Variants in PDCD10 observed in about 807,000 individuals in gnomAD.
PDCD10 encodes the protein programmed cell death protein 10.
In PDCD10, 4 loss-of-function variants were observed where a neutral mutation model predicts 29.2. That is an observed-to-expected ratio of 0.14 (90% confidence interval 0.07 to 0.31). PDCD10 has a LOEUF of 0.31. Among genes scored for constraint, PDCD10 ranks in the 10% least tolerant of loss-of-function variants. The pLI is 1.00. For missense variants in PDCD10, 183 were observed against 257.9 expected (o/e 0.71, Z 1.99); for synonymous variants, 70 against 82.2 (o/e 0.85, Z 0.80).
chr3:167,687,810 C>G (rs985376581), intron 6 of PDCD10, 117 bp from the exon 7 acceptor site: 3 of 682,868 alleles, frequency 4.4e-6, no homozygotes, highest in Non-Finnish European at 7.9e-6. Flanking sequence ...ACAGTACACT[C>G]TTAATTATGT....
intron 3 of PDCD10, among the ~76,000 whole-genome samples, chr3:167,711,666 A>T (rs974824494): frequency 1.3e-5 from 2 of 152,214 alleles, no homozygotes; most frequent in African/African-American, 4.8e-5. Context: ...AAGTACAAGA[A>T]GGTTATAGAA....
At chr3:167,691,573 G>T (rs531621432) in intron 6 of PDCD10, among the ~76,000 whole-genome samples, 2 of 152,332 alleles carry the variant, frequency 1.3e-5, no homozygotes, top group South Asian at 4.1e-4. Context: ...TAGCAGAGAT[G>T]TCTCAGGGAC....
At chr3:167,718,458 G>C (rs1723240081) in intron 3 of PDCD10, among the ~76,000 whole-genome samples, 1 of 152,024 alleles carries the variant, frequency 6.6e-6, no homozygotes, top group Non-Finnish European at 1.5e-5. Flanking sequence ...GACATAACCA[G>C]ACCTAAAAAG....
intron 2 of PDCD10, among the ~76,000 whole-genome samples, chr3:167,728,004 TCAAATA>T (rs1724392207): frequency 6.6e-6 from 1 of 152,218 alleles, no homozygotes; most frequent in Non-Finnish European, 1.5e-5. Context: ...CCAATTGATC[TCAAATA>T]CAAATACTAT....
chr3:167,704,291 G>A (rs115635767), intron 4 of PDCD10, among the ~76,000 whole-genome samples: 2,049 of 152,256 alleles, frequency 0.013, 43 homozygotes, highest in African/African-American at 0.047. Context: ...ACAGCGGCAT[G>A]ATCACGTCCC....
chr3:167,727,688 A>G (rs915713776), intron 2 of PDCD10, among the ~76,000 whole-genome samples: 1 of 152,252 alleles, frequency 6.6e-6, no homozygotes. Flanking sequence ...CTCTCTGCTT[A>G]AAGGTACAAT....
chr3:167,694,992 T>C (rs1004893441), intron 6 of PDCD10, among the ~76,000 whole-genome samples: 1 of 152,234 alleles, frequency 6.6e-6, no homozygotes, highest in African/African-American at 2.4e-5. Context: ...AAGATACTTA[T>C]GTAGGGATTA....
rs374384046 is a variant in PDCD10, at chr3:167,702,149, A to G, written c.150+2693T>C. ...CATTTTTAGAGAAATGACAAAGCAA[A>G]TAAGTCAGAAATTAAACATATTTCT... On this transcript the variant is annotated intron_variant, in intron 4 of 8. Transcript: ENST00000392750. 7.9e-5 allele frequency among the ~76,000 whole-genome samples: 12 copies of G among 152,304 alleles called. No individual in the cohort carries two copies. The East Asian group carries it at 1.2e-3, about 15-fold the overall frequency.
intron 6 of PDCD10, 131 bp downstream of exon 6, chr3:167,695,465 G>T (rs538547368): frequency 7.6e-6 from 6 of 790,674 alleles, no homozygotes; most frequent in Non-Finnish European, 1.1e-5. Flanking sequence ...ATAAAATGTG[G>T]TATTTAAAAA....
chr3:167,700,716 A>T (rs965831017), intron 4 of PDCD10, among the ~76,000 whole-genome samples: 2 of 152,232 alleles, frequency 1.3e-5, no homozygotes, highest in African/African-American at 2.4e-5. Flanking sequence ...AAAGCTGAAG[A>T]ATTTAATGCC....
intron 3 of PDCD10, 95 bp from the exon 4 acceptor site, chr3:167,704,990 A>C (rs1721834672): frequency 4.2e-6 from 3 of 716,344 alleles, no homozygotes; most frequent in South Asian, 1.6e-5. Context: ...TGAACACATT[A>C]AACATTTAAT....
chr3:167,691,635 A>G (rs1253345283), intron 6 of PDCD10, among the ~76,000 whole-genome samples: 2 of 152,224 alleles, frequency 1.3e-5, no homozygotes, highest in South Asian at 4.1e-4. Flanking sequence ...CTCTGGGCCT[A>G]CATTTCTATG....
At chr3:167,694,159 A>T (rs573891232) in intron 6 of PDCD10, among the ~76,000 whole-genome samples, 4 of 148,520 alleles carry the variant, frequency 2.7e-5, no homozygotes, top group South Asian at 2.1e-4. Flanking sequence ...TCACCTCTTT[A>T]AAAAAAAAAG....
chr3:167,702,871 G>A, intron 4 of PDCD10, among the ~76,000 whole-genome samples: 1 of 152,112 alleles, frequency 6.6e-6, no homozygotes, highest in East Asian at 1.9e-4. Context: ...ATACATCAGT[G>A]TAAAATTAGT....
At chr3:167,730,479 T>G (rs544338717) in intron 2 of PDCD10, among the ~76,000 whole-genome samples, 5 of 152,186 alleles carry the variant, frequency 3.3e-5, no homozygotes, top group Non-Finnish European at 7.4e-5. Context: ...ATGAAAATTT[T>G]ATCCAAGATT....
chr3:167,730,934 G>T (rs1352572724), intron 2 of PDCD10: 1 of 152,026 alleles, frequency 6.6e-6, no homozygotes, highest in East Asian at 1.9e-4. Context: ...TAAATCAAGT[G>T]ATATTAAAGG....
At chr3:167,728,628 C>T (rs1724469142) in intron 2 of PDCD10, among the ~76,000 whole-genome samples, 1 of 152,194 alleles carries the variant, frequency 6.6e-6, no homozygotes, top group East Asian at 1.9e-4. Context: ...ATTAGAAAGA[C>T]TAAATGTCCA....
At position 167,697,047 on chromosome 3, in the gene PDCD10, G is replaced by A. The variant is rs1720890339; in HGVS notation, c.230C>T (p.Thr77Met). The A allele has an allele frequency of 1.9e-6, 3 of 1,605,582 alleles. No homozygotes were observed. Among genetic ancestry groups the A allele is most frequent in the Admixed American group, 1.7e-5 (1 of 60,004 alleles). The change falls in exon 5 of 9, where the codon ACG becomes ATG. Residue 77 changes from threonine (T) to methionine (M), a missense_variant. Transcript: ENST00000392750. ...AGCTGCCATACGAAGAAGGGACTCCGTGAAGTTAACTTCCACGCTTTTTTT... is the reference window on the plus strand; with the variant it reads ...AGCTGCCATACGAAGAAGGGACTCCATGAAGTTAACTTCCACGCTTTTTTT... ...LEKKSVEVNFTESLLRMAADD... is the reference protein window; with the variant it reads ...LEKKSVEVNFMESLLRMAADD...
intron 5 of PDCD10, among the ~76,000 whole-genome samples, chr3:167,696,537 G>A (rs559386944): frequency 3.9e-5 from 6 of 152,008 alleles, no homozygotes; most frequent in South Asian, 2.1e-4. Context: ...TAAAACCAAC[G>A]TCTAAATAAT....
Sources: gnomAD v4.1 joint callset for allele counts (sites outside exome capture counted in the v4.1 genomes callset) on GRCh38, gnomAD v4.1.1 for gene constraint, MANE v1.5 for transcripts, NCBI Gene and HGNC (gene_info 2026-07-23, HGNC 2026-07-21) for gene names.